Variants in PTPRN2 observed in about 807,000 individuals in gnomAD.
PTPRN2 encodes protein tyrosine phosphatase receptor type N2.
A neutral mutation model predicts 118.8 loss-of-function variants in PTPRN2; 74 were observed. That is an observed-to-expected ratio of 0.62 (90% CI 0.52 to 0.76). The LOEUF (loss-of-function observed/expected upper bound fraction) is 0.76. PTPRN2 is among the 30% of genes least tolerant of loss of function. The pLI, the probability that PTPRN2 is intolerant of heterozygous loss-of-function variation, is 0.00. For synonymous variants in PTPRN2, 641 were observed against 608.0 expected, an observed-to-expected ratio of 1.05 and a Z score of -0.80; for missense variants, 1,481 against 1,394.4, an observed-to-expected ratio of 1.06 and a Z score of -0.99.
At chr7:158,456,577 C>T (rs749306710) in intron 2 of PTPRN2, among the ~76,000 whole-genome samples, 3 of 152,114 alleles carry the variant, frequency 2.0e-5, no homozygotes, top group Non-Finnish European at 4.4e-5. Flanking sequence ...TCGGCCACGG[C>T]CCCCCATTGC....
intron 11 of PTPRN2, among the ~76,000 whole-genome samples, chr7:157,970,588 T>G (rs533070626): frequency 6.6e-5 from 10 of 150,438 alleles, no homozygotes; most frequent in Non-Finnish European, 1.5e-4. Context: ...TGTTTCCTCC[T>G]CTCACTGTAA....
Position 157,990,474 on chromosome 7 carries a change from C to G in PTPRN2, c.1723+90824G>C, listed in dbSNP as rs564134843. Among the ~76,000 whole-genome samples the G allele has an allele frequency of 5.1e-3, 779 of 152,294 alleles. 7 individuals carry two copies. Among genetic ancestry groups the G allele is most frequent in the African/African-American group, 0.018 (755 of 41,558 alleles). On this transcript the variant is annotated intron_variant, in intron 11 of 22. Transcript: ENST00000389418. This position sits in a 1 kb window ranked among gnomAD's most constrained non-coding sequence, Gnocchi z 4.3. Reference sequence around the variant, plus strand: ...AGGGCACCCCCACCCACCCTCTCCCCAAGGCTTGGGCCACACTCCATGCCA... The same window carrying G: ...AGGGCACCCCCACCCACCCTCTCCCGAAGGCTTGGGCCACACTCCATGCCA...
chr7:158,189,931 C>A (rs1374603842), intron 5 of PTPRN2, among the ~76,000 whole-genome samples: 1 of 152,170 alleles, frequency 6.6e-6, no homozygotes, highest in Non-Finnish European at 1.5e-5. Context: ...CAGTTTCCAC[C>A]GTGCTGTGCT....
rs544444366 is a variant in PTPRN2, at chr7:157,986,379, T to A, written c.1724-87642A>T. ...GAGGTCAGCTAGTCCAATTGCTTCC[T>A]TGTAGACACGCAGAAACTGACGCCC... On this transcript the variant is annotated intron_variant, in intron 11 of 22. Coordinates refer to ENST00000389418, the MANE Select transcript of PTPRN2 (RefSeq NM_002847.5). The surrounding 1 kb of genome is among the most constrained non-coding windows in gnomAD (Gnocchi z 4.5). Among the ~76,000 whole-genome samples, 1 of 152,292 alleles carries A rather than the reference T, an allele frequency of 6.6e-6. No individual in the cohort carries two copies. The highest frequency in any genetic ancestry group is 2.1e-4 in the South Asian group (1 of 4,818).
chr7:157,665,156 C>T (rs748810587), intron 13 of PTPRN2, among the ~76,000 whole-genome samples: 4 of 152,236 alleles, frequency 2.6e-5, no homozygotes, highest in Non-Finnish European at 5.9e-5. Context: ...CTTGGCCGGA[C>T]AGAAGGTCCA....
chr7:158,146,588 G>T (rs1189256621), intron 6 of PTPRN2, among the ~76,000 whole-genome samples: 1 of 150,888 alleles, frequency 6.6e-6, no homozygotes, highest in Non-Finnish European at 1.5e-5. Context: ...AGGCGTGGTG[G>T]CGGGCGCCTG....
At chr7:157,612,122 A>G (rs1025221853) in intron 15 of PTPRN2, among the ~76,000 whole-genome samples, 1 of 152,146 alleles carries the variant, frequency 6.6e-6, no homozygotes, top group Non-Finnish European at 1.5e-5. Flanking sequence ...TTGGCTTCCC[A>G]TGCCCTGAGC....
At chr7:157,960,777 C>T (rs773254889) in intron 11 of PTPRN2, among the ~76,000 whole-genome samples, 2 of 152,134 alleles carry the variant, frequency 1.3e-5, no homozygotes, top group South Asian at 2.1e-4. Flanking sequence ...GAGGCTGAGG[C>T]GGGTGGATCA....
chr7:158,092,484 G>C (rs117030848), intron 10 of PTPRN2, among the ~76,000 whole-genome samples: 1 of 151,872 alleles, frequency 6.6e-6, no homozygotes, highest in Admixed American at 6.6e-5. Context: ...TTGGTGGATA[G>C]AGATATGTAT....
intron 12 of PTPRN2, among the ~76,000 whole-genome samples, chr7:157,847,747 C>A (rs1014321890): frequency 2.1e-5 from 3 of 145,084 alleles, no homozygotes; most frequent in African/African-American, 7.8e-5. Flanking sequence ...AGAGCCCTCT[C>A]TCACTCCATC....
At chr7:158,270,892 C>A (rs1226831616) in intron 3 of PTPRN2, among the ~76,000 whole-genome samples, 2 of 84,116 alleles carry the variant, frequency 2.4e-5, no homozygotes, top group African/African-American at 1.1e-4. Context: ...GGATGACCCC[C>A]TCCACCTGGA....
intron 1 of PTPRN2, among the ~76,000 whole-genome samples, chr7:158,538,816 G>A (rs1046334404): frequency 2.6e-5 from 4 of 152,156 alleles, no homozygotes; most frequent in African/African-American, 4.8e-5. Context: ...TCGCAGCCTC[G>A]TAACCCCAAC....
At chr7:157,767,406 TTC>T (rs1250927443) in intron 12 of PTPRN2, among the ~76,000 whole-genome samples, 1 of 152,214 alleles carries the variant, frequency 6.6e-6, no homozygotes, top group African/African-American at 2.4e-5. Flanking sequence ...AACCCAATCT[TTC>T]TCTCTCCTTC....
intron 12 of PTPRN2, among the ~76,000 whole-genome samples, chr7:157,747,394 A>G (rs1403652848): frequency 1.3e-3 from 82 of 60,928 alleles, no homozygotes; most frequent in African/African-American, 1.7e-3. Flanking sequence ...TGGGCTGTTG[A>G]GGTGATTCTG....
rs1803338112 is a variant in PTPRN2, at chr7:157,622,739, C to T, written c.2197-1230G>A. Among the ~76,000 whole-genome samples the T allele has an allele frequency of 6.6e-6, 1 of 152,190 alleles. No individual in the cohort carries two copies. Among genetic ancestry groups the T allele is most frequent in the Non-Finnish European group, 1.5e-5 (1 of 68,036 alleles). On this transcript the variant is annotated intron_variant, in intron 14 of 22. Coordinates refer to ENST00000389418, the MANE Select transcript of PTPRN2 (RefSeq NM_002847.5). This position sits in a 1 kb window ranked among gnomAD's most constrained non-coding sequence, Gnocchi z 5.3. The stretch of plus-strand genomic sequence containing the variant: ...GGTGGTGAGGGACAATCGCCTGGCT[C>T]AGGGTGGGCACTCTAAGGCCGTCTG...
At chr7:157,542,853 G>T (rs939361583) in intron 22 of PTPRN2, among the ~76,000 whole-genome samples, 5 of 152,236 alleles carry the variant, frequency 3.3e-5, no homozygotes, top group African/African-American at 1.2e-4. Context: ...AGGAGGAGGG[G>T]GTGCTTCCCG....
At chr7:157,916,110 A>T (rs1224605956) in intron 11 of PTPRN2, among the ~76,000 whole-genome samples, 1 of 152,236 alleles carries the variant, frequency 6.6e-6, no homozygotes, top group African/African-American at 2.4e-5. Flanking sequence ...TGTTTTATGG[A>T]ATCTGCCGTG....
intron 2 of PTPRN2, among the ~76,000 whole-genome samples, chr7:158,473,882 T>G (rs1417339003): frequency 6.6e-6 from 1 of 152,190 alleles, no homozygotes; most frequent in African/African-American, 2.4e-5. Flanking sequence ...CGAAAACTAC[T>G]CCAGTATAAA....
At position 158,481,016 on chromosome 7, in the gene PTPRN2, A is replaced by G. The variant is rs576519543; in HGVS notation, c.163+8719T>C. Among the ~76,000 whole-genome samples, 74 of 152,394 alleles carry G rather than the reference A, an allele frequency of 4.9e-4. 1 individual carries two copies. In the South Asian group the frequency reaches 0.014, roughly 30 times the overall value. Reference sequence around the variant, plus strand: ...TGCTCTAACAACAGATTTTCAATGTAGATGAAACAGCCTTACATTGAAGAA... The same window carrying G: ...TGCTCTAACAACAGATTTTCAATGTGGATGAAACAGCCTTACATTGAAGAA... On this transcript the variant is annotated intron_variant, in intron 2 of 22. Coordinates refer to ENST00000389418, the MANE Select transcript of PTPRN2 (RefSeq NM_002847.5).
Sources: gnomAD v4.1 joint callset for allele counts (sites outside exome capture counted in the v4.1 genomes callset) on GRCh38, gnomAD v4.1.1 for gene constraint, Gnocchi (gnomAD v3.1) non-coding constraint, MANE v1.5 for transcripts, NCBI Gene and HGNC (gene_info 2026-07-23, HGNC 2026-07-21) for gene names.